Variants in AGGF1 observed in about 807,000 individuals in gnomAD.
AGGF1 encodes the protein angiogenic factor with G-patch and FHA domains 1.
In AGGF1, 56 loss-of-function variants were observed where a neutral mutation model predicts 86.5. The observed-to-expected ratio is 0.65, with a 90% CI of 0.52 to 0.81. The LOEUF (loss-of-function observed/expected upper bound fraction) is 0.81. Ranked by LOEUF, AGGF1 falls within the 30% of genes least tolerant of loss-of-function variation. The pLI is 0.00. For synonymous variants in AGGF1, 313 were observed against 297.1 expected (o/e 1.05, Z -0.55); for missense variants, 816 against 850.9 (o/e 0.96, Z 0.51).
chr5:77,063,350 G>A lies in AGGF1; in HGVS notation c.*98G>A. 2 of 1,235,606 alleles carry A rather than the reference G, an allele frequency of 1.6e-6. No individual in the cohort carries two copies. Among genetic ancestry groups the A allele is most frequent in the Non-Finnish European group, 2.3e-6 (2 of 872,296 alleles). 76.5% of individuals were successfully genotyped at this position (1,235,606 alleles called of 1,614,324 possible). ...AGAATCAGCAGCACAGGGGAACTATGTCACAGTTTACCTCTTCCTGATTCA... is the reference window on the plus strand; with the variant it reads ...AGAATCAGCAGCACAGGGGAACTATATCACAGTTTACCTCTTCCTGATTCA... On this transcript the variant is annotated 3_prime_UTR_variant, in exon 14 of 14. Coordinates refer to ENST00000312916, the MANE Select transcript of AGGF1 (RefSeq NM_018046.5).
At chr5:77,046,020 G>A (rs1747241027) in intron 5 of AGGF1, among the ~76,000 whole-genome samples, 2 of 152,186 alleles carry the variant, frequency 1.3e-5, no homozygotes, top group Admixed American at 6.5e-5. Context: ...ATGTGATGAG[G>A]GCCTGAACTA....
At chr5:77,042,450 C>G (rs1292211584) in intron 5 of AGGF1, among the ~76,000 whole-genome samples, 2 of 110,840 alleles carry the variant, frequency 1.8e-5, no homozygotes, top group South Asian at 2.8e-4. Context: ...GCTGACCCCC[C>G]CCACCTCCCT....
intron 1 of AGGF1, among the ~76,000 whole-genome samples, 186 bp from the exon 2 acceptor site, chr5:77,034,230 AAG>A (rs1375750265): frequency 6.6e-6 from 1 of 152,248 alleles, no homozygotes; most frequent in African/African-American, 2.4e-5. Flanking sequence ...GACATTTAGT[AAG>A]AGAGATTAGG....
rs1051287023 is a variant in AGGF1 at position 77,056,069 on chromosome 5, CTTA to C, written c.1716+478_1716+480del. ...GAACTAATATGACCTGATGTAAAGA[CTTA>C]TTATAATTAAACTGCAGTGATTAAG... On this transcript the variant is annotated intron_variant, in intron 11 of 13. Coordinates refer to ENST00000312916, the MANE Select transcript of AGGF1 (RefSeq NM_018046.5). Among the ~76,000 whole-genome samples the C allele has an allele frequency of 5.9e-5, 9 of 151,988 alleles. No homozygotes were observed. The East Asian group carries it at 9.7e-4, about 16-fold the overall frequency.
intron 5 of AGGF1, among the ~76,000 whole-genome samples, chr5:77,042,013 T>C (rs1747097831): frequency 1.3e-5 from 2 of 151,112 alleles, no homozygotes; most frequent in African/African-American, 4.9e-5. Flanking sequence ...TGGTGATGAC[T>C]CTTAACGAGC....
intron 8 of AGGF1, among the ~76,000 whole-genome samples, chr5:77,052,438 C>T (rs1053941971): frequency 6.6e-6 from 1 of 151,362 alleles, no homozygotes; most frequent in African/African-American, 2.4e-5. Context: ...CAAAATTTTT[C>T]AAATTATAAT....
In AGGF1 at chr5:77,039,555, T is replaced by C; in HGVS notation, c.706T>C (p.Ser236Pro). Residue 236 changes from serine (S) to proline (P), a missense_variant, in exon 5 of 14, where the codon TCC becomes CCC. Coordinates refer to ENST00000312916, the MANE Select transcript of AGGF1 (RefSeq NM_018046.5). Reference protein sequence around the residue: ...DSENQLYYDPSTGIYYYCDVE... With the variant: ...DSENQLYYDPPTGIYYYCDVE... ...GGAAAATCAACTCTATTATGATCCTTCCACTGGAATTTATTACTATTGTGA... is the reference window on the plus strand; with the variant it reads ...GGAAAATCAACTCTATTATGATCCTCCCACTGGAATTTATTACTATTGTGA... 6.2e-7 allele frequency: 1 copy of C among 1,609,982 alleles called. No homozygotes were observed. The highest frequency in any genetic ancestry group is 8.5e-7 in the Non-Finnish European group (1 of 1,178,004).
rs1396687472 is a variant in AGGF1, at chr5:77,046,467, C to T, written c.991C>T (p.Pro331Ser). Residue 331 changes from proline (P) to serine (S), a missense_variant, in exon 6 of 14, where the codon CCC (proline) becomes TCC (serine). Physicochemically the swap from Pro to Ser is moderately conservative, Grantham distance 74. Around this residue, in one of 3 missense-constraint regions of AGGF1, gnomAD observed 565 missense variants for 585.8 expected, o/e 0.96. Coordinates refer to ENST00000312916, the MANE Select transcript of AGGF1 (RefSeq NM_018046.5). Reference protein sequence around the residue: ...KIGIHHKNSPPKVTVPTSGNT... With the variant: ...KIGIHHKNSPSKVTVPTSGNT... ...AGGCATTCATCACAAAAATAGTCCC[C>T]CCAAAGTCACTGTTCCAACTAGTGG... 5 of 1,613,854 alleles carry T rather than the reference C, an allele frequency of 3.1e-6. No homozygotes were observed. Among genetic ancestry groups the T allele is most frequent in the South Asian group, 1.1e-5 (1 of 91,078 alleles).
chr5:77,056,916 A>G lies in AGGF1; in HGVS notation c.1716+1320A>G, dbSNP rs188553969. Among the ~76,000 whole-genome samples the G allele has an allele frequency of 1.5e-3, 234 of 152,322 alleles. 1 individual carries two copies. The highest frequency in any genetic ancestry group is 5.4e-3 in the African/African-American group (225 of 41,582). On this transcript the variant is annotated intron_variant, in intron 11 of 13. Transcript: ENST00000312916. ...CAAAAAACTTTCAAAACTTAATAAT[A>G]AGAAAACAACTCAGTTAAAAAATGG...
chr5:77,054,123 A>C lies in AGGF1; in HGVS notation c.1626A>C (p.Glu542Asp), dbSNP rs761817934. 4 of 1,614,120 alleles carry C rather than the reference A, an allele frequency of 2.5e-6. No individual in the cohort carries two copies. Among genetic ancestry groups the C allele is most frequent in the Non-Finnish European group, 2.5e-6 (3 of 1,180,012 alleles). The change falls in exon 10 of 14, where the codon GAA becomes GAC. Residue 542 changes from glutamate (E) to aspartate (D), a missense_variant. Glu to Asp is a conservative substitution (Grantham distance 45). Transcript: ENST00000312916. ...RAHLRLDKKD[E>D]SFVGPTLSKE... ...ACCTTCGCCTTGATAAGAAAGATGAATCTTTTGGTATGTGAAACAGATTAA... is the reference window on the plus strand; with the variant it reads ...ACCTTCGCCTTGATAAGAAAGATGACTCTTTTGGTATGTGAAACAGATTAA...
chr5:77,038,387 G>A (rs73764632), intron 4 of AGGF1, among the ~76,000 whole-genome samples: 2 of 152,104 alleles, frequency 1.3e-5, no homozygotes, highest in East Asian at 1.9e-4. Flanking sequence ...TGGTTAGTAC[G>A]TTCTGCAGGT....
intron 3 of AGGF1, 116 bp from the exon 4 acceptor site, chr5:77,036,440 C>G (rs769315370): frequency 2.8e-5 from 29 of 1,049,862 alleles, no homozygotes; most frequent in Non-Finnish European, 3.9e-5. Flanking sequence ...TCATGCTTTT[C>G]CTTTGTAGAA....
rs57418456 is a variant in AGGF1 at position 77,053,062 on chromosome 5, T to C, written c.1467+255T>C. The stretch of plus-strand genomic sequence containing the variant: ...GACTCCATTGTAAAGCTATTCAGAG[T>C]AAGTGTGTAAATGTCTCAATAGCAA... On this transcript the variant is annotated intron_variant, in intron 9 of 13. Coordinates refer to ENST00000312916, the MANE Select transcript of AGGF1 (RefSeq NM_018046.5). Among the ~76,000 whole-genome samples the C allele has an allele frequency of 5.6e-3, 852 of 152,314 alleles. 9 individuals are homozygous for C. The highest frequency in any genetic ancestry group is 0.019 in the African/African-American group (795 of 41,580).
Position 77,034,471 on chromosome 5 carries a change from G to T in AGGF1, c.264G>T (p.Lys88Asn). 6.2e-7 allele frequency: 1 copy of T among 1,613,650 alleles called. No individual in the cohort carries two copies. Among genetic ancestry groups the T allele is most frequent in the Non-Finnish European group, 8.5e-7 (1 of 1,179,676 alleles). ...LQRGRNEDNK[K>N]SDVEVQTENH... ...GTGGGAGAAATGAAGATAATAAAAA[G>T]TCTGATGTAGAAGTACAAACAGAGA... The change falls in exon 2 of 14, where the codon AAG becomes AAT. Residue 88 changes from lysine to asparagine, a missense_variant. Physicochemically the swap from Lys to Asn is moderately conservative, Grantham distance 94. Transcript: ENST00000312916.
At chr5:77,031,765 G>T (rs907392551) in intron 1 of AGGF1, among the ~76,000 whole-genome samples, 1 of 152,098 alleles carries the variant, frequency 6.6e-6, no homozygotes, top group Non-Finnish European at 1.5e-5. Flanking sequence ...TTAGCCGGGC[G>T]TGGCGGCGGG....
chr5:77,043,943 G>T (rs1422124972), intron 5 of AGGF1, among the ~76,000 whole-genome samples: 1 of 138,884 alleles, frequency 7.2e-6, no homozygotes, highest in Admixed American at 7.2e-5. Context: ...TCCCAGATGG[G>T]GCGGCGGGGC....
intron 11 of AGGF1, among the ~76,000 whole-genome samples, chr5:77,058,904 AC>A (rs1219602315): frequency 1.3e-5 from 2 of 152,162 alleles, no homozygotes; most frequent in African/African-American, 4.8e-5. Context: ...GCATTCCATT[AC>A]CTAGCATGGA....
At chr5:77,042,979 C>T (rs1747149631) in intron 5 of AGGF1, among the ~76,000 whole-genome samples, 3 of 81,000 alleles carry the variant, frequency 3.7e-5, no homozygotes, top group African/African-American at 4.1e-5. Flanking sequence ...ACCTCCCTCC[C>T]GGACGGGGCG....
In AGGF1 at chr5:77,030,678, C is replaced by T; in HGVS notation, c.-89C>T. ...GTGTGAGGCTGCCTTTCGCTGCCCG[C>T]GCGCTCCAGTGGTCTCTGGGTCCGC... is the stretch of plus-strand genomic sequence containing the variant. On this transcript the variant is annotated 5_prime_UTR_variant, in exon 1 of 14. Coordinates refer to ENST00000312916, the MANE Select transcript of AGGF1 (RefSeq NM_018046.5). 1.4e-6 allele frequency: 2 copies of T among 1,435,228 alleles called. No individual in the cohort carries two copies. Among genetic ancestry groups the T allele is most frequent in the South Asian group, 1.3e-5 (1 of 79,512 alleles). The allele number at this position is 1,435,228 out of a possible 1,614,324, so 88.9% of individuals were successfully genotyped here.
Sources: allele counts gnomAD v4.1 joint callset (sites outside exome capture counted in the v4.1 genomes callset), GRCh38; gene constraint gnomAD v4.1.1; regional missense constraint gnomAD v4.1.1; transcripts MANE v1.5; gene names NCBI Gene and HGNC (gene_info 2026-07-23, HGNC 2026-07-21).